Variants in DLEC1 observed in about 807,000 individuals in gnomAD.
DLEC1 encodes deleted in lung and esophageal cancer protein 1.
In DLEC1, 146 loss-of-function variants were observed where a neutral mutation model predicts 198.1. The observed-to-expected ratio is 0.74, with a 90% confidence interval of 0.64 to 0.85. The LOEUF is 0.85. DLEC1 is among the 40% of genes least tolerant of loss of function. The probability of loss-of-function intolerance (pLI) is 0.00; values close to 1 mark genes in which losing one functional copy is unlikely to be tolerated. For synonymous variants in DLEC1, 897 were observed against 866.8 expected (o/e 1.03, Z -0.61); for missense variants, 2,233 against 2,220.0 (o/e 1.01, Z -0.12).
In DLEC1 at chr3:38,100,423, G is replaced by A. The variant is rs767000484; in HGVS notation, c.2862G>A (p.Trp954Ter). Residue 954 changes from tryptophan to a stop codon, truncating the protein, a stop_gained and splice_region_variant, in exon 19 of 37, where the codon TGG (tryptophan) becomes TGA (stop). Transcript: ENST00000308059. LOFTEE classifies it high-confidence loss of function. ...VLELEVENGAWSYLPVYAEVQ... is the reference protein window; with the variant it reads ...VLELEVENGA ...AGCTGGAGGTGGAAAATGGTGCCTG[G>A]AGGTAAGGGTGCCGTGGGAAGAGCC... The A allele has an allele frequency of 1.2e-6, 2 of 1,611,282 alleles. No individual in the cohort carries two copies. Among genetic ancestry groups the A allele is most frequent in the South Asian group, 2.2e-5 (2 of 90,722 alleles).
intron 6 of DLEC1, among the ~76,000 whole-genome samples, chr3:38,066,725 A>G (rs1490326149): frequency 6.6e-6 from 1 of 152,356 alleles, no homozygotes; most frequent in African/African-American, 2.4e-5. Flanking sequence ...TGCATTTTAT[A>G]GTTTAAAGAG....
intron 7 of DLEC1, among the ~76,000 whole-genome samples, chr3:38,084,560 A>AGTG (rs1698319785): frequency 1.8e-3 from 2 of 1,106 alleles, no homozygotes; most frequent in Non-Finnish European, 2.8e-3. Flanking sequence ...TGGTAGTAGT[A>AGTG]GTGGTAGTAG....
rs149127125 is a variant in DLEC1, at chr3:38,084,166, T to C, written c.1182T>C (p.Ile394=). The C allele has an allele frequency of 8.7e-6, 14 of 1,613,066 alleles. No homozygotes were observed. The East Asian group carries it at 3.1e-4, about 36-fold the overall frequency. Residue 394 remains isoleucine (I), a synonymous_variant, in exon 7 of 37, where the codon ATT becomes ATC. Transcript: ENST00000308059. Reference sequence around the variant, plus strand: ...ATCTTACCTTTCAACAGATGGTAATTGCGCTGCAGAACACCACCACGACCA... The same window carrying C: ...ATCTTACCTTTCAACAGATGGTAATCGCGCTGCAGAACACCACCACGACCA... ...YEIGPVYEMV[I]ALQNTTTTSR...
In DLEC1 at chr3:38,094,911, T is replaced by A; in HGVS notation, c.1952T>A (p.Met651Lys). Reference protein sequence around the residue: ...HVELAFYWQIMKPNLQPLMPG... With the variant: ...HVELAFYWQIKKPNLQPLMPG... ...GAGCTGGCCTTCTACTGGCAGATCA[T>A]GAAGCCCAACCTGCAGCCCCTCATG... is the stretch of plus-strand genomic sequence containing the variant. Residue 651 changes from methionine to lysine, a missense_variant, in exon 13 of 37, where the codon ATG becomes AAG. Coordinates refer to ENST00000308059, the MANE Select transcript of DLEC1 (RefSeq NM_007335.4). 6.2e-7 allele frequency: 1 copy of A among 1,614,156 alleles called. No individual in the cohort carries two copies. The highest frequency in any genetic ancestry group is 8.5e-7 in the Non-Finnish European group (1 of 1,180,012).
chr3:38,065,397 A>G (rs184674910), intron 6 of DLEC1, among the ~76,000 whole-genome samples: 1 of 146,766 alleles, frequency 6.8e-6, no homozygotes, highest in African/African-American at 2.7e-5. Flanking sequence ...GGAGGAGAGG[A>G]AGACCGTGCA....
rs1471150078 is a variant in DLEC1, at chr3:38,114,894, C to T, written c.3786-89C>T. 4.2e-6 allele frequency: 5 copies of T among 1,179,646 alleles called. No individual in the cohort carries two copies. In the African/African-American group the frequency reaches 6.1e-5, roughly 14 times the overall value. 73.1% of individuals were successfully genotyped at this position (1,179,646 alleles called of 1,614,324 possible). On this transcript the variant is annotated intron_variant, in intron 26 of 36. Transcript: ENST00000308059. ...GGCCAGACCACTGTGGTATTTCCCCCTGCCTGAGCCCCCAGTCCCAGCCCT... is the reference window on the plus strand; with the variant it reads ...GGCCAGACCACTGTGGTATTTCCCCTTGCCTGAGCCCCCAGTCCCAGCCCT...
At chr3:38,064,603 C>G (rs1382010352) in intron 6 of DLEC1, among the ~76,000 whole-genome samples, 2 of 147,692 alleles carry the variant, frequency 1.4e-5, no homozygotes, top group South Asian at 4.4e-4. Context: ...GAGGCTCCCC[C>G]ACCACCTCCC....
intron 33 of DLEC1, among the ~76,000 whole-genome samples, chr3:38,118,309 C>A (rs539080535): frequency 2.0e-5 from 3 of 152,202 alleles, no homozygotes; most frequent in African/African-American, 7.2e-5. Flanking sequence ...CCCTCTTAGT[C>A]CCCACTGCTG....
rs1181598999 is a variant in DLEC1, at chr3:38,110,156, G to A, written c.3318G>A (p.Val1106=). The A allele has an allele frequency of 1.2e-6, 2 of 1,614,086 alleles. No homozygotes were observed. Among genetic ancestry groups the A allele is most frequent in the African/African-American group, 2.7e-5 (2 of 74,930 alleles). Residue 1106 remains valine (V), a synonymous_variant, in exon 23 of 37, where the codon GTG becomes GTA. Coordinates refer to ENST00000308059, the MANE Select transcript of DLEC1 (RefSeq NM_007335.4). Reference sequence around the variant, plus strand: ...TCCGCCTGGACTTTGGCTCAGCGGTGCCACTGAGGACCCGTGTGACTCGCC... The same window carrying A: ...TCCGCCTGGACTTTGGCTCAGCGGTACCACTGAGGACCCGTGTGACTCGCC... ...KELRLDFGSA[V]PLRTRVTRQL...
At chr3:38,100,496 A>T in intron 19 of DLEC1, 71 bp downstream of exon 19, 1 of 1,429,210 alleles carries the variant, frequency 7.0e-7, no homozygotes, top group South Asian at 1.7e-5. Context: ...TATATTATAT[A>T]TTTATCTAGA....
rs745711521 is a variant in DLEC1 at position 38,086,343 on chromosome 3, TGCCCAAAACAAGCTG to T, written c.1542_1556del (p.Lys515_Pro519del). 6.2e-7 allele frequency: 1 copy of T among 1,611,584 alleles called. No homozygotes were observed. The highest frequency in any genetic ancestry group is 2.2e-5 in the East Asian group (1 of 44,752). On this transcript the variant is annotated inframe_deletion, in exon 9 of 37. Coordinates refer to ENST00000308059, the MANE Select transcript of DLEC1 (RefSeq NM_007335.4). ...TTCAGTGTTGGCAGGTTCTGCATTA[TGCCCAAAACAAGCTG>T]GCCACCACTAAGTTTCAAGGTGAGT... is the stretch of plus-strand genomic sequence containing the variant.
At chr3:38,049,668 C>A (rs889790379) in intron 2 of DLEC1, among the ~76,000 whole-genome samples, 6 of 152,194 alleles carry the variant, frequency 3.9e-5, no homozygotes, top group Non-Finnish European at 1.5e-5. Context: ...CATGCCCAGG[C>A]CTGACAGCTC....
intron 23 of DLEC1, among the ~76,000 whole-genome samples, chr3:38,110,692 G>A (rs1045447893): frequency 2.0e-5 from 3 of 152,132 alleles, no homozygotes; most frequent in African/African-American, 7.2e-5. Context: ...GTGAGATGGG[G>A]TGCCCCATAG....
chr3:38,073,669 A>G (rs1321337470), intron 6 of DLEC1, among the ~76,000 whole-genome samples: 2 of 152,160 alleles, frequency 1.3e-5, no homozygotes, highest in African/African-American at 4.8e-5. Context: ...ACTGAAAAAG[A>G]GTGCATAAAA....
chr3:38,084,729 C>G (rs950762242), intron 7 of DLEC1, among the ~76,000 whole-genome samples: 1 of 151,748 alleles, frequency 6.6e-6, no homozygotes, highest in Non-Finnish European at 1.5e-5. Flanking sequence ...ATCAGCAGTC[C>G]TTGAGGGCTC....
At chr3:38,097,413 G>A in intron 16 of DLEC1, 94 bp from the exon 17 acceptor site, 1 of 1,579,332 alleles carries the variant, frequency 6.3e-7, no homozygotes, top group Non-Finnish European at 8.6e-7. Context: ...TGAGGGAGAT[G>A]AGAAGTCTGT....
Position 38,117,617 on chromosome 3 carries a change from T to G in DLEC1, c.4485+6T>G. On this transcript the variant is annotated splice_donor_region_variant and intron_variant, in intron 32 of 36. Coordinates refer to ENST00000308059, the MANE Select transcript of DLEC1 (RefSeq NM_007335.4). Reference sequence around the variant, plus strand: ...CCGAGCAGCCCTGCTCTGGGGTGAGTGTGCTGCCACCCTCTGGCCCTGCCA... The same window carrying G: ...CCGAGCAGCCCTGCTCTGGGGTGAGGGTGCTGCCACCCTCTGGCCCTGCCA... 1 of 1,613,840 alleles carries G rather than the reference T, an allele frequency of 6.2e-7. No individual in the cohort carries two copies. The highest frequency in any genetic ancestry group is 1.7e-4 in the Middle Eastern group (1 of 6,060).
intron 9 of DLEC1, among the ~76,000 whole-genome samples, chr3:38,087,720 C>T (rs1698540962): frequency 6.6e-6 from 1 of 152,220 alleles, no homozygotes; most frequent in Non-Finnish European, 1.5e-5. Flanking sequence ...CAAGATGTTC[C>T]AAGAAAGACA....
intron 27 of DLEC1, 39 bp downstream of exon 27, chr3:38,115,092 G>C (rs1260625658): frequency 2.5e-6 from 4 of 1,609,658 alleles, no homozygotes; most frequent in Non-Finnish European, 3.4e-6. Flanking sequence ...TCTTGCCACA[G>C]GCTGTGCCTT....
Sources: allele counts gnomAD v4.1 joint callset (sites outside exome capture counted in the v4.1 genomes callset), GRCh38; gene constraint gnomAD v4.1.1; transcripts MANE v1.5; gene names NCBI Gene and HGNC (gene_info 2026-07-23, HGNC 2026-07-21).